Variants in GRID2 observed in about 807,000 individuals in gnomAD.
GRID2 encodes glutamate ionotropic receptor delta type subunit 2, also known as glutamate receptor ionotropic, delta-2.
In GRID2, 33 loss-of-function variants were observed where a neutral mutation model predicts 114.8. That is an observed-to-expected ratio of 0.29 (90% confidence interval 0.22 to 0.38). The LOEUF is 0.38. Ranked by LOEUF, GRID2 falls within the 10% of genes least tolerant of loss-of-function variation. The probability of loss-of-function intolerance (pLI) is 1.00; values close to 1 mark genes in which losing one functional copy is unlikely to be tolerated. For synonymous variants in GRID2, 505 were observed against 449.9 expected, an observed-to-expected ratio of 1.12 and a Z score of -1.55; for missense variants, 1,184 against 1,257.7, an observed-to-expected ratio of 0.94 and a Z score of 0.89.
intron 13 of GRID2, among the ~76,000 whole-genome samples, chr4:93,558,910 G>T (rs1395847034): frequency 6.6e-6 from 1 of 152,078 alleles, no homozygotes; most frequent in African/African-American, 2.4e-5. Flanking sequence ...CTTCATCCCT[G>T]GATTGCAAAG....
chr4:92,666,499 T>G (rs2149272787), intron 2 of GRID2, among the ~76,000 whole-genome samples: 1 of 151,558 alleles, frequency 6.6e-6, no homozygotes, highest in Admixed American at 6.6e-5. Context: ...GAAAACTGTA[T>G]ATTTTAATCC....
intron 2 of GRID2, among the ~76,000 whole-genome samples, chr4:92,638,704 G>C (rs116238745): frequency 2.5e-4 from 38 of 150,178 alleles, no homozygotes; most frequent in African/African-American, 8.7e-4. Context: ...GAGAACTCTT[G>C]TAAATAAAAG....
chr4:92,373,132 C>T (rs990514879), intron 1 of GRID2, among the ~76,000 whole-genome samples: 1 of 152,112 alleles, frequency 6.6e-6, no homozygotes, highest in Admixed American at 6.6e-5. Flanking sequence ...GGTGCTTTGT[C>T]TGCATTGGAT....
rs1184003180 is a variant in GRID2 at position 93,638,301 on chromosome 4, C to CTTTTTTTTTTTTTT, written c.2360+11871_2360+11884dup. On this transcript the variant is annotated intron_variant, in intron 14 of 15. Coordinates refer to ENST00000282020, the MANE Select transcript of GRID2 (RefSeq NM_001510.4). ...AAGAAAACATATTTAAAACTTGCAT[C>CTTTTTTTTTTTTTT]TTTTTTTTTTTTTTTTTTAATTATA... Among the ~76,000 whole-genome samples the CTTTTTTTTTTTTTT allele has an allele frequency of 3.9e-5, 3 of 77,314 alleles. 1 individual carries two copies. The highest frequency in any genetic ancestry group is 8.1e-5 in the Non-Finnish European group (3 of 36,984). 50.7% of individuals were successfully genotyped at this position (77,314 alleles called of 152,430 possible).
At chr4:93,699,167 T>C (rs756532595) in intron 14 of GRID2, among the ~76,000 whole-genome samples, 45 of 152,012 alleles carry the variant, frequency 3.0e-4, no homozygotes, top group Non-Finnish European at 4.9e-4. Flanking sequence ...ATTTGAGAAA[T>C]TGTGAAGAAA....
At chr4:92,961,740 G>A (rs567474722) in intron 2 of GRID2, among the ~76,000 whole-genome samples, 1 of 150,202 alleles carries the variant, frequency 6.7e-6, no homozygotes, top group African/African-American at 2.4e-5. Context: ...CTTGGTCGTG[G>A]GTGATTCAAA....
At chr4:93,583,588 T>C (rs543023058) in intron 13 of GRID2, among the ~76,000 whole-genome samples, 1 of 152,246 alleles carries the variant, frequency 6.6e-6, no homozygotes, top group African/African-American at 2.4e-5. Context: ...GTTATATTAT[T>C]ATAGTACACA....
chr4:93,111,751 C>CTTTTTTTTT (rs9307121), intron 4 of GRID2, among the ~76,000 whole-genome samples: 4 of 131,436 alleles, frequency 3.0e-5, no homozygotes, highest in Non-Finnish European at 6.4e-5. Context: ...TTGTTTAATA[C>CTTTTTTTTT]TTTTTTTTTT....
intron 1 of GRID2, among the ~76,000 whole-genome samples, chr4:92,414,858 A>G (rs1039710575): frequency 6.6e-6 from 1 of 152,114 alleles, no homozygotes; most frequent in East Asian, 1.9e-4. Flanking sequence ...ATATTTTCCA[A>G]TAAAAACTAA....
chr4:93,615,782 T>C (rs1038974347), intron 13 of GRID2, among the ~76,000 whole-genome samples: 2 of 152,014 alleles, frequency 1.3e-5, no homozygotes, highest in Non-Finnish European at 2.9e-5. Context: ...TGTCATTGTT[T>C]CACTCTGAGT....
intron 5 of GRID2, among the ~76,000 whole-genome samples, chr4:93,211,767 A>G (rs1182370664): frequency 6.6e-6 from 1 of 152,292 alleles, no homozygotes; most frequent in Admixed American, 6.5e-5. Flanking sequence ...TACATTACAC[A>G]GGTTAGCACT....
intron 2 of GRID2, among the ~76,000 whole-genome samples, chr4:92,647,819 C>G (rs1323250265): frequency 6.7e-6 from 1 of 149,402 alleles, no homozygotes; most frequent in South Asian, 2.1e-4. Flanking sequence ...ATGTCTGAAC[C>G]CAGTTTCACT....
chr4:93,010,120 G>A (rs1023406639), intron 2 of GRID2, among the ~76,000 whole-genome samples: 1 of 152,004 alleles, frequency 6.6e-6, no homozygotes, highest in African/African-American at 2.4e-5. Context: ...TGCGTAGTAG[G>A]AGGTTATTCA....
At chr4:92,745,334 T>C (rs1329664980) in intron 2 of GRID2, among the ~76,000 whole-genome samples, 1 of 152,204 alleles carries the variant, frequency 6.6e-6, no homozygotes, top group Non-Finnish European at 1.5e-5. Context: ...AGTATTTCCC[T>C]TTGTTGAATT....
chr4:93,062,507 TTG>T, intron 2 of GRID2, among the ~76,000 whole-genome samples: 1 of 152,206 alleles, frequency 6.6e-6, no homozygotes, highest in African/African-American at 2.4e-5. Context: ...TAGACATGTG[TTG>T]TGCACTAGTT....
At chr4:92,529,309 C>A (rs1366125448) in intron 1 of GRID2, among the ~76,000 whole-genome samples, 1 of 151,926 alleles carries the variant, frequency 6.6e-6, no homozygotes, top group Non-Finnish European at 1.5e-5. Flanking sequence ...AACGTGTATA[C>A]AAATCGTTCA....
intron 13 of GRID2, among the ~76,000 whole-genome samples, chr4:93,594,662 A>T (rs1006532365): frequency 6.6e-6 from 1 of 152,028 alleles, no homozygotes; most frequent in African/African-American, 2.4e-5. Context: ...CCTCGCTGCC[A>T]CCTTGCAGCT....
Position 92,650,831 on chromosome 4 carries a change from C to T in GRID2, c.244+60545C>T, listed in dbSNP as rs370564043. 1.2e-4 allele frequency among the ~76,000 whole-genome samples: 19 copies of T among 152,042 alleles called. No individual in the cohort carries two copies. In the East Asian group the frequency reaches 2.7e-3, roughly 22 times the overall value. On this transcript the variant is annotated intron_variant, in intron 2 of 15. Transcript: ENST00000282020. ...AATCCTGGCTATCAGAGAAACAGAA[C>T]CACATATAGTGGATGCTGATTCAGA... is the stretch of plus-strand genomic sequence containing the variant.
At position 93,591,961 on chromosome 4, in the gene GRID2, G is replaced by C. The variant is rs1293560665; in HGVS notation, c.2194-34308G>C. On this transcript the variant is annotated intron_variant, in intron 13 of 15. Coordinates refer to ENST00000282020, the MANE Select transcript of GRID2 (RefSeq NM_001510.4). ...TTCTTTTCTCTTTTTTTCTTTATTA[G>C]TCTTGCTAGTGCTCTATCAATTTTG... is the stretch of plus-strand genomic sequence containing the variant. Among the ~76,000 whole-genome samples the C allele has an allele frequency of 2.6e-5, 4 of 151,736 alleles. No individual in the cohort carries two copies. In the East Asian group the frequency reaches 5.8e-4, roughly 22 times the overall value.
Sources: allele counts gnomAD v4.1 joint callset (sites outside exome capture counted in the v4.1 genomes callset), GRCh38; gene constraint gnomAD v4.1.1; transcripts MANE v1.5; gene names NCBI Gene and HGNC (gene_info 2026-07-23, HGNC 2026-07-21).